DOCK2: variants seen among roughly 807,000 people sequenced by gnomAD.
The protein encoded by DOCK2 is dedicator of cytokinesis 2, also known as dedicator of cytokinesis protein 2.
DOCK2 carries 87 observed loss-of-function variants against 248.9 expected under a neutral mutation model. The ratio of observed to expected loss-of-function variants is 0.35; its 90% CI spans 0.29 to 0.42. The LOEUF is 0.42. Ranked by LOEUF, DOCK2 falls within the 10% of genes least tolerant of loss-of-function variation. DOCK2 has a pLI of 1.00. For synonymous variants in DOCK2, 805 were observed against 821.6 expected (o/e 0.98, Z 0.35); for missense variants, 1,747 against 2,300.2 (o/e 0.76, Z 4.92).
chr5:169,778,279 T>G (rs1285863199), intron 25 of DOCK2, among the ~76,000 whole-genome samples: 1 of 152,192 alleles, frequency 6.6e-6, no homozygotes, highest in African/African-American at 2.4e-5. Context: ...AAGCTGAGAT[T>G]TATATAGGAA....
chr5:170,024,157 C>T (rs1297663420), intron 33 of DOCK2, among the ~76,000 whole-genome samples: 5 of 152,132 alleles, frequency 3.3e-5, no homozygotes, highest in Non-Finnish European at 7.3e-5. Context: ...TGGCTCAATA[C>T]AAATCTGTGG....
chr5:169,865,850 G>C (rs1452391571), intron 27 of DOCK2, among the ~76,000 whole-genome samples: 2 of 152,242 alleles, frequency 1.3e-5, no homozygotes, highest in Non-Finnish European at 2.9e-5. Context: ...CTGGAAAACA[G>C]CTGTCATTAA....
chr5:170,033,928 T>C (rs941484674), intron 34 of DOCK2, among the ~76,000 whole-genome samples: 3 of 152,204 alleles, frequency 2.0e-5, no homozygotes, highest in African/African-American at 7.2e-5. Flanking sequence ...ATTTAGGCCT[T>C]TCCCAATTGA....
At chr5:169,646,079 A>G (rs1410954419) in intron 1 of DOCK2, among the ~76,000 whole-genome samples, 1 of 152,140 alleles carries the variant, frequency 6.6e-6, no homozygotes, top group Non-Finnish European at 1.5e-5. Flanking sequence ...TTGGGATTTT[A>G]CATTTAAGTT....
chr5:169,853,804 C>CTTTTTTTTTT (rs67124138), intron 27 of DOCK2, among the ~76,000 whole-genome samples: 17 of 56,858 alleles, frequency 3.0e-4, no homozygotes, highest in African/African-American at 5.6e-4. Flanking sequence ...GGAAAAACAA[C>CTTTTTTTTTT]TTTTTTTTTT....
At chr5:169,734,351 G>T (rs1220665856) in intron 22 of DOCK2, among the ~76,000 whole-genome samples, 2 of 152,088 alleles carry the variant, frequency 1.3e-5, no homozygotes, top group Non-Finnish European at 2.9e-5. Context: ...CATAATTCCA[G>T]TAGTGGGAAT....
intron 27 of DOCK2, among the ~76,000 whole-genome samples, chr5:169,893,479 C>T (rs1408274109): frequency 4.2e-5 from 6 of 143,038 alleles, no homozygotes; most frequent in African/African-American, 1.0e-4. Flanking sequence ...TTTTCTTACC[C>T]TTTTTTTTTT....
intron 22 of DOCK2, among the ~76,000 whole-genome samples, chr5:169,721,073 C>G (rs1303270243): frequency 6.6e-6 from 1 of 152,222 alleles, no homozygotes; most frequent in Non-Finnish European, 1.5e-5. Flanking sequence ...TTTCCATCTA[C>G]TGGGACAAAA....
chr5:169,935,209 G>A lies in DOCK2; in HGVS notation c.2800-47859G>A, dbSNP rs41362046. 2.9e-3 allele frequency among the ~76,000 whole-genome samples: 446 copies of A among 152,178 alleles called. 16 individuals are homozygous for A. The East Asian group carries it at 0.074, about 25-fold the overall frequency. ...GTCTGCAGAGCAGCATGCCATTGCC[G>A]TTTCTGAGTAAATTTGTACACTGTT... On this transcript the variant is annotated intron_variant, in intron 27 of 51. Transcript: ENST00000520908.
intron 30 of DOCK2, among the ~76,000 whole-genome samples, chr5:170,006,735 G>A (rs942362497): frequency 6.6e-6 from 1 of 152,214 alleles, no homozygotes; most frequent in African/African-American, 2.4e-5. Flanking sequence ...CGCTGTCTGT[G>A]TAACCACTGC....
intron 22 of DOCK2, 132 bp from the exon 23 acceptor site, chr5:169,747,264 T>C (rs1763663168): frequency 1.4e-6 from 1 of 698,028 alleles, no homozygotes; most frequent in East Asian, 2.9e-5. Context: ...ATCTGCAGAA[T>C]CCTCTCCTCC....
At chr5:170,026,107 G>T (rs1048182254) in intron 33 of DOCK2, among the ~76,000 whole-genome samples, 1 of 151,922 alleles carries the variant, frequency 6.6e-6, no homozygotes, top group Admixed American at 6.6e-5. Flanking sequence ...CAAGCTTTTG[G>T]TCCCTCCCTT....
chr5:169,970,867 T>G (rs1338575764), intron 27 of DOCK2, among the ~76,000 whole-genome samples: 29 of 152,178 alleles, frequency 1.9e-4, no homozygotes, highest in Admixed American at 1.8e-3. Context: ...ATTGTGTCAG[T>G]TGATTTTTCT....
chr5:169,756,983 G>T (rs1349671189), intron 23 of DOCK2, among the ~76,000 whole-genome samples: 1 of 151,892 alleles, frequency 6.6e-6, no homozygotes, highest in East Asian at 1.9e-4. Flanking sequence ...ACATGCCTCA[G>T]TATATGGTAT....
intron 27 of DOCK2, among the ~76,000 whole-genome samples, chr5:169,981,804 CAAATT>C (rs1384686585): frequency 2.0e-5 from 3 of 152,130 alleles, no homozygotes; most frequent in African/African-American, 4.8e-5. Flanking sequence ...TTTATGTTCT[CAAATT>C]AAAATTTATA....
chr5:169,868,402 T>C (rs752005945), intron 27 of DOCK2, among the ~76,000 whole-genome samples: 1 of 152,200 alleles, frequency 6.6e-6, no homozygotes, highest in Non-Finnish European at 1.5e-5. Context: ...ATAATTCAAA[T>C]AAACAAACAA....
intron 29 of DOCK2, among the ~76,000 whole-genome samples, chr5:169,992,450 C>G (rs1223411139): frequency 6.6e-6 from 1 of 152,192 alleles, no homozygotes; most frequent in Non-Finnish European, 1.5e-5. Flanking sequence ...CATATGAGTG[C>G]TTAGGCTTTA....
intron 27 of DOCK2, among the ~76,000 whole-genome samples, chr5:169,935,103 C>T (rs761698541): frequency 1.4e-4 from 22 of 152,248 alleles, no homozygotes; most frequent in Non-Finnish European, 3.1e-4. Flanking sequence ...GTGAAGACAG[C>T]GTGGCAAGAT....
At chr5:169,876,783 C>A (rs1772361657) in intron 27 of DOCK2, among the ~76,000 whole-genome samples, 1 of 152,196 alleles carries the variant, frequency 6.6e-6, no homozygotes, top group South Asian at 2.1e-4. Context: ...GTGGTGTACA[C>A]TAATAGTAAC....
Sources: allele counts gnomAD v4.1 joint callset (sites outside exome capture counted in the v4.1 genomes callset), GRCh38; gene constraint gnomAD v4.1.1; transcripts MANE v1.5; gene names NCBI Gene and HGNC (gene_info 2026-07-23, HGNC 2026-07-21).